The following LDLRAD4 variants were observed in gnomAD, a reference collection of about 807,000 sequenced individuals.
LDLRAD4 encodes the protein low-density lipoprotein receptor class A domain-containing protein 4.
In LDLRAD4, 5 loss-of-function variants were observed where a neutral mutation model predicts 17.0. The observed-to-expected ratio is 0.29, with a 90% CI of 0.15 to 0.62. LDLRAD4 has a LOEUF of 0.62. Ranked by LOEUF, LDLRAD4 falls within the 20% of genes least tolerant of loss-of-function variation. The pLI is 0.84. For synonymous variants in LDLRAD4, 168 were observed against 171.8 expected, an observed-to-expected ratio of 0.98 and a Z score of 0.17; for missense variants, 340 against 424.7, an observed-to-expected ratio of 0.80 and a Z score of 1.75.
At chr18:13,434,779 T>C (rs1416427682) in intron 2 of LDLRAD4, among the ~76,000 whole-genome samples, 2 of 152,230 alleles carry the variant, frequency 1.3e-5, no homozygotes, top group Admixed American at 6.5e-5. Context: ...GTATTTTAGT[T>C]TTCTTCTTTG....
At chr18:13,525,347 C>T (rs2094014007) in intron 3 of LDLRAD4, among the ~76,000 whole-genome samples, 2 of 152,204 alleles carry the variant, frequency 1.3e-5, no homozygotes, top group Non-Finnish European at 2.9e-5. Flanking sequence ...ATCATCCCCA[C>T]GCCCTGAGTC....
intron 3 of LDLRAD4, among the ~76,000 whole-genome samples, chr18:13,445,392 A>G (rs2091321123): frequency 6.6e-6 from 1 of 151,836 alleles, no homozygotes; most frequent in South Asian, 2.1e-4. Flanking sequence ...GTGTGCATGC[A>G]TGTGACTCCA....
intron 3 of LDLRAD4, chr18:13,612,260 C>G: frequency 1.0e-6 from 1 of 1,000,444 alleles, no homozygotes; most frequent in Non-Finnish European, 1.2e-6. Context: ...TGTGACACGT[C>G]CAGGTGTGAG....
intron 1 of LDLRAD4, among the ~76,000 whole-genome samples, chr18:13,310,389 CA>C (rs1289436989): frequency 6.6e-6 from 1 of 151,586 alleles, no homozygotes; most frequent in Non-Finnish European, 1.5e-5. Flanking sequence ...GGTGGGCCTG[CA>C]AGGACATGCA....
chr18:13,370,504 G>A (rs771816194), intron 1 of LDLRAD4, among the ~76,000 whole-genome samples: 3 of 152,064 alleles, frequency 2.0e-5, no homozygotes, highest in Non-Finnish European at 4.4e-5. Flanking sequence ...TGCCCCTAGT[G>A]ACTCTGGTGG....
rs143287687 is a variant in LDLRAD4 at position 13,288,512 on chromosome 18, A to G, written c.-383+10324A>G. ...AATATTGCTGAAAAATTCTATTTCA[A>G]CAATCTAAAAATAATCTGTAAAGGT... On this transcript the variant is annotated intron_variant, in intron 1 of 5. Coordinates refer to ENST00000359446, the Ensembl canonical transcript of LDLRAD4. 7.4e-3 allele frequency among the ~76,000 whole-genome samples: 1,123 copies of G among 152,354 alleles called. 11 individuals are homozygous for G. Among genetic ancestry groups the G allele is most frequent in the African/African-American group, 0.025 (1,048 of 41,574 alleles).
upstream of LDLRAD4, among the ~76,000 whole-genome samples, chr18:13,277,570 C>T (rs890156867): frequency 3.3e-5 from 5 of 152,236 alleles, no homozygotes; most frequent in African/African-American, 4.8e-5. Flanking sequence ...GGCAGAGTCA[C>T]GAACGTTACC....
chr18:13,222,209 C>T (rs2041495902), intron 1 of LDLRAD4, among the ~76,000 whole-genome samples: 1 of 152,128 alleles, frequency 6.6e-6, no homozygotes, highest in South Asian at 2.1e-4. Context: ...TTTATTTACT[C>T]ATTTACTTGG....
At chr18:13,586,573 A>G (rs1003477928) in intron 3 of LDLRAD4, among the ~76,000 whole-genome samples, 1 of 151,768 alleles carries the variant, frequency 6.6e-6, no homozygotes, top group Admixed American at 6.6e-5. Flanking sequence ...CCATATATAC[A>G]AGGATCTCTG....
chr18:13,542,548 T>A (rs1568318276), intron 3 of LDLRAD4: 1 of 152,322 alleles, frequency 6.6e-6, no homozygotes, highest in East Asian at 1.9e-4. Flanking sequence ...GGGTGCACTG[T>A]GTCGCCCTCT....
chr18:13,259,110 C>T (rs902802738), intron 1 of LDLRAD4, among the ~76,000 whole-genome samples: 2 of 152,228 alleles, frequency 1.3e-5, no homozygotes, highest in Non-Finnish European at 2.9e-5. Flanking sequence ...TGTGCAAGTT[C>T]ATAAGACTTC....
chr18:13,367,743 G>C lies in LDLRAD4; in HGVS notation c.-382-19598G>C, dbSNP rs555340020. Among the ~76,000 whole-genome samples, 26 of 151,848 alleles carry C rather than the reference G, an allele frequency of 1.7e-4. No homozygotes were observed. Among genetic ancestry groups the C allele is most frequent in the Non-Finnish European group, 3.2e-4 (22 of 67,938 alleles). ...GAGAGGAGACAGCCGAGCCCGGGGGGCATGCACTGTCAAGGTGTTTGCTGA... is the reference window on the plus strand; with the variant it reads ...GAGAGGAGACAGCCGAGCCCGGGGGCCATGCACTGTCAAGGTGTTTGCTGA... On this transcript the variant is annotated intron_variant, in intron 1 of 5. Transcript: ENST00000359446. The surrounding 1 kb of genome is among the most constrained non-coding windows in gnomAD (Gnocchi z 4.1).
At chr18:13,442,908 ACTTTCC>A (rs1396103807) in intron 3 of LDLRAD4, among the ~76,000 whole-genome samples, 1 of 152,150 alleles carries the variant, frequency 6.6e-6, no homozygotes, top group African/African-American at 2.4e-5. Context: ...AGAAGCCACA[ACTTTCC>A]CTTTGAGCTT....
intron 2 of LDLRAD4, among the ~76,000 whole-genome samples, chr18:13,395,904 C>T (rs2086654184): frequency 6.6e-6 from 1 of 152,124 alleles, no homozygotes; most frequent in Non-Finnish European, 1.5e-5. Context: ...TGAACTTCAG[C>T]CCTGCCACCT....
At chr18:13,506,738 G>T (rs1398870034) in intron 3 of LDLRAD4, among the ~76,000 whole-genome samples, 1 of 152,152 alleles carries the variant, frequency 6.6e-6, no homozygotes, top group Non-Finnish European at 1.5e-5. Flanking sequence ...AGCTTCAAAG[G>T]ACAGGCTAAA....
chr18:13,243,576 CCCATTCCTCTATCCATCCACCCACCCAT>C (rs1362598115), intron 1 of LDLRAD4, among the ~76,000 whole-genome samples: 5 of 151,254 alleles, frequency 3.3e-5, no homozygotes, highest in Non-Finnish European at 7.4e-5. Context: ...CACCTACCCA[CCCATTCCTCTATCCATCCACCCACCCAT>C]CCATCCACCA....
intron 1 of LDLRAD4, among the ~76,000 whole-genome samples, chr18:13,381,403 T>A (rs530341043): frequency 6.6e-6 from 1 of 152,216 alleles, no homozygotes; most frequent in Admixed American, 6.5e-5. Context: ...GCCCTCTCTC[T>A]CGGCCAGAGA....
chr18:13,346,815 C>T (rs1313628066), intron 1 of LDLRAD4, among the ~76,000 whole-genome samples: 1 of 152,108 alleles, frequency 6.6e-6, no homozygotes, highest in Non-Finnish European at 1.5e-5. Flanking sequence ...TGAATTGATC[C>T]CTTTACCATT....
chr18:13,405,135 A>T (rs2087609822), intron 2 of LDLRAD4, among the ~76,000 whole-genome samples: 1 of 151,728 alleles, frequency 6.6e-6, no homozygotes, highest in African/African-American at 2.4e-5. Flanking sequence ...TTATAATATT[A>T]TGTATAATAT....
Sources: gnomAD v4.1 joint callset for allele counts (sites outside exome capture counted in the v4.1 genomes callset) on GRCh38, gnomAD v4.1.1 for gene constraint, Gnocchi (gnomAD v3.1) non-coding constraint, MANE v1.5 for transcripts, NCBI Gene and HGNC (gene_info 2026-07-23, HGNC 2026-07-21) for gene names.